The following DCAF8L2 variants were observed in gnomAD, a reference collection of about 807,000 sequenced individuals.
The protein encoded by DCAF8L2 is DDB1 and CUL4 associated factor 8 like 2.
For synonymous variants in DCAF8L2, 200 were observed against 190.9 expected (o/e 1.05, Z -0.39); for missense variants, 430 against 490.7 (o/e 0.88, Z 1.17).
chrX:27,635,107 T>G (rs775861288), intron 2 of DCAF8L2, among the ~76,000 whole-genome samples: 1 of 111,745 alleles, frequency 8.9e-6, no homozygotes, highest in African/African-American at 3.2e-5. Flanking sequence ...TTGTTATTTT[T>G]ATTATCACTC....
the DCAF8L2 span, among the ~76,000 whole-genome samples, chrX:27,507,892 A>G: frequency 1.8e-5 from 2 of 111,515 alleles, no homozygotes. Context: ...TATATGACAC[A>G]GTGTATATCC....
At chrX:27,513,908 A>G in the DCAF8L2 span, among the ~76,000 whole-genome samples, 2 of 111,925 alleles carry the variant, frequency 1.8e-5, no homozygotes, top group Non-Finnish European at 3.8e-5. Flanking sequence ...TGGTGGGGCC[A>G]TTGAGAAAGG....
chrX:27,674,681 G>T (rs192847944), intron 2 of DCAF8L2, among the ~76,000 whole-genome samples: 3 of 111,739 alleles, frequency 2.7e-5, no homozygotes, highest in Non-Finnish European at 1.9e-5. Flanking sequence ...GGAATCTGAA[G>T]GTGGAGTAGA....
intron 3 of DCAF8L2, among the ~76,000 whole-genome samples, chrX:27,679,345 G>A (rs1483609626): frequency 9.1e-6 from 1 of 110,231 alleles, no homozygotes; most frequent in East Asian, 2.9e-4. Context: ...ATTTGTCATA[G>A]GAAATTACCC....
At chrX:27,596,833 T>A (rs1926384215) in intron 1 of DCAF8L2, among the ~76,000 whole-genome samples, 3 of 111,773 alleles carry the variant, frequency 2.7e-5, no homozygotes, top group Non-Finnish European at 5.6e-5. Context: ...TTATTTTTAA[T>A]CCTTTTTAAA....
At chrX:27,728,193 A>T (rs1177914107) in intron 4 of DCAF8L2, among the ~76,000 whole-genome samples, 1 of 111,638 alleles carries the variant, frequency 9.0e-6, no homozygotes, top group Non-Finnish European at 1.9e-5. Context: ...TGGAATCTCA[A>T]GGATAAAAAC....
chrX:27,685,748 A>G (rs954570592), intron 3 of DCAF8L2, among the ~76,000 whole-genome samples: 6 of 111,972 alleles, frequency 5.4e-5, no homozygotes, highest in East Asian at 5.6e-4. Flanking sequence ...ACAGCAAGCT[A>G]AAAACCTTCT....
chrX:27,477,479 G>C, the DCAF8L2 span, among the ~76,000 whole-genome samples: 76 of 110,929 alleles, frequency 6.9e-4, no homozygotes, highest in African/African-American at 2.4e-3. Context: ...AGTAGAGACG[G>C]GGTTTCATCG....
intron 4 of DCAF8L2, among the ~76,000 whole-genome samples, chrX:27,729,779 C>T (rs1921081894): frequency 2.7e-5 from 3 of 111,909 alleles, no homozygotes; most frequent in Admixed American, 9.5e-5. Flanking sequence ...AATACCATCA[C>T]CTTGGAGGTT....
chrX:27,727,094 C>T (rs776780506), intron 4 of DCAF8L2, among the ~76,000 whole-genome samples: 1 of 111,857 alleles, frequency 8.9e-6, no homozygotes, highest in African/African-American at 3.2e-5. Context: ...TTGTAGTATT[C>T]TAGTGGACAT....
At chrX:27,581,188 G>C in the DCAF8L2 span, among the ~76,000 whole-genome samples, 1 of 111,885 alleles carries the variant, frequency 8.9e-6, no homozygotes, top group African/African-American at 3.2e-5. Context: ...CATAATTTCA[G>C]ATGTCCATCA....
chrX:27,576,935 G>A, the DCAF8L2 span, among the ~76,000 whole-genome samples: 1 of 111,680 alleles, frequency 9.0e-6, no homozygotes, highest in Admixed American at 9.5e-5. Context: ...AAATGACATT[G>A]TGACATATAA....
the DCAF8L2 span, among the ~76,000 whole-genome samples, chrX:27,501,283 GTA>G: frequency 3.0e-4 from 31 of 104,319 alleles, no homozygotes; most frequent in African/African-American, 1.1e-3. Flanking sequence ...CTGTGTGTGT[GTA>G]TGTGTGTGTG....
intron 2 of DCAF8L2, among the ~76,000 whole-genome samples, chrX:27,660,529 C>T (rs1361790626): frequency 8.9e-6 from 1 of 111,770 alleles, no homozygotes; most frequent in Admixed American, 9.5e-5. Context: ...ACATTGGTTA[C>T]TGTGAATTCC....
At chrX:27,563,446 G>GA in the DCAF8L2 span, among the ~76,000 whole-genome samples, 2 of 111,767 alleles carry the variant, frequency 1.8e-5, no homozygotes, top group African/African-American at 6.5e-5. Context: ...CTTGAGGGGG[G>GA]ACCATAGACA....
At chrX:27,602,547 T>C (rs1306226961) in intron 1 of DCAF8L2, among the ~76,000 whole-genome samples, 2 of 111,806 alleles carry the variant, frequency 1.8e-5, no homozygotes, top group Non-Finnish European at 3.8e-5. Flanking sequence ...CAGACCCTTA[T>C]TGTCAGCAAG....
chrX:27,628,313 A>G (rs1261025013), intron 1 of DCAF8L2, among the ~76,000 whole-genome samples: 2 of 111,732 alleles, frequency 1.8e-5, no homozygotes, highest in African/African-American at 6.5e-5. Context: ...AAACCACATT[A>G]TCTTTATCCA....
chrX:27,746,724 C>T (rs991030823), intron 4 of DCAF8L2, 114 bp from the exon 5 acceptor site: 19 of 449,388 alleles, frequency 4.2e-5, no homozygotes, highest in Non-Finnish European at 5.2e-5. Context: ...TGGCAACTGC[C>T]TTGGCAGAAT....
intron 3 of DCAF8L2, 82 bp downstream of exon 3, chrX:27,677,994 T>A (rs1163494160): frequency 9.0e-6 from 1 of 111,273 alleles, no homozygotes; most frequent in South Asian, 3.7e-4. Flanking sequence ...TCTAGACATA[T>A]GATTATAGAG....
Sources: allele counts gnomAD v4.1 joint callset (sites outside exome capture counted in the v4.1 genomes callset), GRCh38; gene constraint gnomAD v4.1.1; transcripts MANE v1.5; gene names NCBI Gene and HGNC (gene_info 2026-07-23, HGNC 2026-07-21).